DIAPH3: variants seen among roughly 807,000 people sequenced by gnomAD.
DIAPH3 encodes protein diaphanous homolog 3.
In DIAPH3, 117 loss-of-function variants were observed where a neutral mutation model predicts 144.3. The ratio of observed to expected loss-of-function variants is 0.81; its 90% confidence interval spans 0.70 to 0.95. The LOEUF is 0.95. DIAPH3 is among the 40% of genes least tolerant of loss of function. The probability of loss-of-function intolerance (pLI) is 0.00; values close to 1 mark genes in which losing one functional copy is unlikely to be tolerated. For synonymous variants in DIAPH3, 519 were observed against 488.9 expected (o/e 1.06, Z -0.81); for missense variants, 1,421 against 1,412.7 (o/e 1.01, Z -0.09).
At chr13:59,670,639 G>A (rs2032313609) in intron 27 of DIAPH3, among the ~76,000 whole-genome samples, 1 of 149,934 alleles carries the variant, frequency 6.7e-6, no homozygotes, top group Non-Finnish European at 1.5e-5. Flanking sequence ...CTGGAGTGCA[G>A]TGGCGGGATC....
chr13:59,922,430 C>A (rs769283809), intron 18 of DIAPH3, among the ~76,000 whole-genome samples: 17 of 152,156 alleles, frequency 1.1e-4, no homozygotes, highest in Middle Eastern at 3.4e-3. Flanking sequence ...TAGATTCTTT[C>A]TCCAAAGTTC....
intron 1 of DIAPH3, among the ~76,000 whole-genome samples, chr13:60,147,857 G>T (rs1038222062): frequency 6.6e-6 from 1 of 152,152 alleles, no homozygotes; most frequent in Non-Finnish European, 1.5e-5. Flanking sequence ...TCACACTTGG[G>T]TTCCAAAGAA....
At chr13:59,963,115 T>C (rs1252752752) in intron 17 of DIAPH3, among the ~76,000 whole-genome samples, 1 of 152,216 alleles carries the variant, frequency 6.6e-6, no homozygotes, top group African/African-American at 2.4e-5. Context: ...TCTTTTAAGA[T>C]ACAGAGATGC....
At chr13:59,774,870 T>G (rs527601529) in intron 25 of DIAPH3, 47 bp from the exon 26 acceptor site, 2 of 1,503,568 alleles carry the variant, frequency 1.3e-6, no homozygotes, top group African/African-American at 2.8e-5. Flanking sequence ...AGGGTTACCA[T>G]AGCAATGTCA....
chr13:59,733,420 T>G (rs1267767749), intron 27 of DIAPH3, among the ~76,000 whole-genome samples: 1 of 152,144 alleles, frequency 6.6e-6, no homozygotes, highest in Non-Finnish European at 1.5e-5. Context: ...AAAGGTGCTA[T>G]TGAAAAACTA....
At chr13:59,912,228 T>G (rs2047030192) in intron 19 of DIAPH3, among the ~76,000 whole-genome samples, 1 of 152,096 alleles carries the variant, frequency 6.6e-6, no homozygotes, top group African/African-American at 2.4e-5. Flanking sequence ...AACACTTCAC[T>G]CAGGGGGATA....
chr13:60,096,622 T>C (rs1165419580), intron 3 of DIAPH3, among the ~76,000 whole-genome samples: 3 of 152,194 alleles, frequency 2.0e-5, no homozygotes, highest in Non-Finnish European at 4.4e-5. Flanking sequence ...GCCCTCAGTA[T>C]GGGCAGGCAC....
intron 4 of DIAPH3, among the ~76,000 whole-genome samples, chr13:60,061,151 C>A (rs1181238823): frequency 6.6e-6 from 1 of 151,968 alleles, no homozygotes; most frequent in East Asian, 1.9e-4. Context: ...TCTTAAAAGA[C>A]CAGGATTGGA....
intron 13 of DIAPH3, among the ~76,000 whole-genome samples, chr13:59,983,129 GCTTT>G (rs1714596442): frequency 1.1e-5 from 1 of 88,460 alleles, no homozygotes; most frequent in Non-Finnish European, 2.1e-5. Flanking sequence ...AAATAATAAT[GCTTT>G]ATCTTTAAAA....
intron 17 of DIAPH3, among the ~76,000 whole-genome samples, chr13:59,942,741 T>C (rs1028161283): frequency 3.3e-5 from 5 of 152,140 alleles, no homozygotes; most frequent in Non-Finnish European, 5.9e-5. Context: ...TGTATACAAA[T>C]ATACAATTGA....
At chr13:59,677,498 T>C (rs1299621180) in intron 27 of DIAPH3, among the ~76,000 whole-genome samples, 6 of 152,144 alleles carry the variant, frequency 3.9e-5, no homozygotes, top group Non-Finnish European at 7.4e-5. Flanking sequence ...GACATATATA[T>C]AGCAAAAATA....
At chr13:59,714,285 G>A (rs1373659503) in intron 27 of DIAPH3, among the ~76,000 whole-genome samples, 3 of 146,472 alleles carry the variant, frequency 2.0e-5, no homozygotes, top group Non-Finnish European at 4.5e-5. Context: ...GCGTGAACCC[G>A]GGAGGCGGAG....
At chr13:60,025,539 G>A (rs774205553) in intron 5 of DIAPH3, among the ~76,000 whole-genome samples, 1 of 151,510 alleles carries the variant, frequency 6.6e-6, no homozygotes, top group Non-Finnish European at 1.5e-5. Flanking sequence ...ACAGTGGTAA[G>A]AGGAGAACCA....
chr13:59,940,954 G>C (rs974915927), intron 17 of DIAPH3, among the ~76,000 whole-genome samples: 2 of 152,188 alleles, frequency 1.3e-5, no homozygotes, highest in Non-Finnish European at 2.9e-5. Context: ...AATAATTGGA[G>C]ATGATAACTG....
At chr13:59,770,502 G>A (rs2038068650) in intron 27 of DIAPH3, among the ~76,000 whole-genome samples, 1 of 152,124 alleles carries the variant, frequency 6.6e-6, no homozygotes, top group African/African-American at 2.4e-5. Flanking sequence ...AAAATGGGAA[G>A]ACTAGGGTGT....
At chr13:59,969,553 C>A (rs954370492) in intron 17 of DIAPH3, among the ~76,000 whole-genome samples, 1 of 152,104 alleles carries the variant, frequency 6.6e-6, no homozygotes, top group African/African-American at 2.4e-5. Context: ...CTCCCCTAGT[C>A]ACTGTAATAT....
At chr13:60,154,935 C>T (rs974799649) in intron 1 of DIAPH3, among the ~76,000 whole-genome samples, 33 of 152,248 alleles carry the variant, frequency 2.2e-4, no homozygotes, top group African/African-American at 7.9e-4. Flanking sequence ...CAGTTTTTTC[C>T]TGTATTATTC....
In DIAPH3 at chr13:59,817,218, A is replaced by C. The variant is rs186137740; in HGVS notation, c.3028-6295T>G. Among the ~76,000 whole-genome samples, 438 of 152,012 alleles carry C rather than the reference A, an allele frequency of 2.9e-3. 2 individuals are homozygous for C. The highest frequency in any genetic ancestry group is 0.01 in the African/African-American group (427 of 41,554). On this transcript the variant is annotated intron_variant, in intron 24 of 27. Transcript: ENST00000400324. ...TTTGAATTCTATATACACTAATCAA[A>C]TCAAGTCTGTTAATTGTTTAACGCT...
rs117164227 is a variant in DIAPH3 at position 59,934,464 on chromosome 13, A to G, written c.2075-9594T>C. Among the ~76,000 whole-genome samples the G allele has an allele frequency of 2.6e-3, 389 of 152,278 alleles. 1 individual carries two copies. The highest frequency in any genetic ancestry group is 0.017 in the Middle Eastern group (5 of 294). On this transcript the variant is annotated intron_variant, in intron 17 of 27. Transcript: ENST00000400324. ...TAATAAATTCAACTCAACTAAAAAA[A>G]TAAAGTAAGCAAAATAATTTACCTA...
Sources: allele counts gnomAD v4.1 joint callset (sites outside exome capture counted in the v4.1 genomes callset), GRCh38; gene constraint gnomAD v4.1.1; transcripts MANE v1.5; gene names NCBI Gene and HGNC (gene_info 2026-07-23, HGNC 2026-07-21).